ATP9B: variants seen among roughly 807,000 people sequenced by gnomAD.
The protein encoded by ATP9B is probable phospholipid-transporting ATPase IIB.
A neutral mutation model predicts 146.1 loss-of-function variants in ATP9B; 110 were observed. That is an observed-to-expected ratio of 0.75 (90% confidence interval 0.65 to 0.88). The LOEUF (loss-of-function observed/expected upper bound fraction) is 0.88, where lower values mean the gene tolerates loss of function less well. ATP9B is among the 40% of genes least tolerant of loss of function. ATP9B has a pLI of 0.00. For missense variants in ATP9B, 1,499 were observed against 1,496.4 expected, an observed-to-expected ratio of 1.00 and a Z score of -0.03; for synonymous variants, 604 against 569.7, an observed-to-expected ratio of 1.06 and a Z score of -0.86.
In ATP9B at chr18:79,204,283, G is replaced by A. The variant is rs573861590; in HGVS notation, c.955-2654G>A. On this transcript the variant is annotated intron_variant, in intron 9 of 29. Transcript: ENST00000426216. ...GTAATAGTGGTGTGTTAGCTACTGT[G>A]CAGGAGCTTAATTTCATTCCAGTGT... is the stretch of plus-strand genomic sequence containing the variant. Among the ~76,000 whole-genome samples the A allele has an allele frequency of 5.9e-5, 9 of 152,290 alleles. No individual in the cohort carries two copies. In the South Asian group the frequency reaches 1.2e-3, roughly 21 times the overall value.
chr18:79,143,956 C>A, intron 6 of ATP9B, 96 bp downstream of exon 6: 4 of 699,542 alleles, frequency 5.7e-6, no homozygotes, highest in Non-Finnish European at 9.1e-6. Context: ...GAAATTGAGA[C>A]ATGTATTTTG....
At chr18:79,235,016 G>C (rs2095828151) in intron 11 of ATP9B, among the ~76,000 whole-genome samples, 1 of 152,128 alleles carries the variant, frequency 6.6e-6, no homozygotes, top group South Asian at 2.1e-4. Flanking sequence ...GGGACTACAG[G>C]TGCCCATGAC....
intron 5 of ATP9B, among the ~76,000 whole-genome samples, chr18:79,139,122 A>G (rs954573696): frequency 2.0e-5 from 3 of 152,158 alleles, no homozygotes; most frequent in African/African-American, 7.2e-5. Flanking sequence ...ATATAAATAC[A>G]TTTTTATCCT....
chr18:79,210,123 A>G (rs2095570627), intron 10 of ATP9B, among the ~76,000 whole-genome samples: 1 of 152,208 alleles, frequency 6.6e-6, no homozygotes, highest in Non-Finnish European at 1.5e-5. Context: ...GGCAGGACAC[A>G]GAGAGCCTGC....
intron 15 of ATP9B, among the ~76,000 whole-genome samples, chr18:79,327,646 C>CGTGCTCTCTGTGTTT (rs1242877078): frequency 2.4e-5 from 3 of 124,326 alleles, no homozygotes; most frequent in East Asian, 5.2e-4. Context: ...CCCTGGTTAG[C>CGTGCTCTCTGTGTTT]ATGCTCTCCG....
rs1402204158 is a variant in ATP9B at position 79,377,510 on chromosome 18, C to A, written c.*127C>A. On this transcript the variant is annotated 3_prime_UTR_variant, in exon 30 of 30. Transcript: ENST00000426216. Reference sequence around the variant, plus strand: ...AGCACCACAAGAAAGGGAGGGTACGCCAGGCGAGCCCAGGGCACAGATGCT... The same window carrying A: ...AGCACCACAAGAAAGGGAGGGTACGACAGGCGAGCCCAGGGCACAGATGCT... The A allele has an allele frequency of 4.9e-6, 6 of 1,221,366 alleles. No individual in the cohort carries two copies. The highest frequency in any genetic ancestry group is 6.8e-6 in the Non-Finnish European group (6 of 885,492). 75.7% of individuals were successfully genotyped at this position (1,221,366 alleles called of 1,614,324 possible).
chr18:79,331,239 C>A (rs1408173903), intron 17 of ATP9B, among the ~76,000 whole-genome samples: 1 of 152,144 alleles, frequency 6.6e-6, no homozygotes, highest in Non-Finnish European at 1.5e-5. Flanking sequence ...CTCCACACCC[C>A]AGTGTTCGCA....
At chr18:79,375,841 A>C (rs960618174) in intron 29 of ATP9B, 1 of 985,442 alleles carries the variant, frequency 1.0e-6, no homozygotes, top group Non-Finnish European at 1.2e-6. Context: ...AAAGGCCTCT[A>C]ACTCTGCTCC....
At chr18:79,255,315 C>A (rs918452856) in intron 12 of ATP9B, 1 of 152,238 alleles carries the variant, frequency 6.6e-6, no homozygotes, top group African/African-American at 2.4e-5. Flanking sequence ...GAATTTACTT[C>A]TTCAGATGTG....
At chr18:79,348,242 TA>T in intron 25 of ATP9B, 46 bp downstream of exon 25, 1 of 1,042,794 alleles carries the variant, frequency 9.6e-7, no homozygotes, top group Non-Finnish European at 1.4e-6. Flanking sequence ...GGAGGACTTC[TA>T]TTTTGAAAAA....
At chr18:79,231,501 G>T (rs2095790926) in intron 11 of ATP9B, among the ~76,000 whole-genome samples, 1 of 152,120 alleles carries the variant, frequency 6.6e-6, no homozygotes, top group Non-Finnish European at 1.5e-5. Context: ...ATGCTGGTGT[G>T]GATGTGGTGA....
At position 79,113,336 on chromosome 18, in the gene ATP9B, C is replaced by T. The variant is rs1357699645; in HGVS notation, c.540C>T (p.Tyr180=). Residue 180 remains tyrosine (Y), a synonymous_variant, in exon 4 of 30, where the codon TAC becomes TAT. Transcript: ENST00000426216. ...CAGCATTGAAAATAGGCTATCTCTA[C>T]ACCTACTGGGCTCCTCTGGTAAGAA... ...FVPALKIGYL[Y]TYWAPLGFVL... 1.9e-6 allele frequency: 3 copies of T among 1,567,916 alleles called. No homozygotes were observed. Among genetic ancestry groups the T allele is most frequent in the Non-Finnish European group, 1.8e-6 (2 of 1,141,484 alleles).
At chr18:79,321,382 C>G (rs2096714917) in intron 15 of ATP9B, among the ~76,000 whole-genome samples, 1 of 85,896 alleles carries the variant, frequency 1.2e-5, no homozygotes, top group Non-Finnish European at 2.1e-5. Flanking sequence ...TTTCATCTAG[C>G]AATTTTTTTT....
At chr18:79,141,792 T>C (rs1030063955) in intron 5 of ATP9B, among the ~76,000 whole-genome samples, 2 of 152,218 alleles carry the variant, frequency 1.3e-5, no homozygotes, top group Admixed American at 6.5e-5. Flanking sequence ...GTCAGCTCCG[T>C]CAACAAAGTG....
intron 9 of ATP9B, among the ~76,000 whole-genome samples, chr18:79,196,136 G>C (rs1444325327): frequency 6.6e-6 from 1 of 152,216 alleles, no homozygotes; most frequent in Non-Finnish European, 1.5e-5. Context: ...AGCCATACAA[G>C]AGCAGCACAG....
At chr18:79,167,382 G>T (rs549896995) in intron 7 of ATP9B, among the ~76,000 whole-genome samples, 1 of 152,212 alleles carries the variant, frequency 6.6e-6, no homozygotes, top group Non-Finnish European at 1.5e-5. Context: ...CTCTCCACAG[G>T]CAGGTGGTCC....
chr18:79,197,197 G>C (rs1340749222), intron 9 of ATP9B, among the ~76,000 whole-genome samples: 1 of 152,074 alleles, frequency 6.6e-6, no homozygotes, highest in Non-Finnish European at 1.5e-5. Context: ...CTTTCTGCCT[G>C]TAAATGTAAA....
chr18:79,102,728 G>C (rs551001695), intron 2 of ATP9B, among the ~76,000 whole-genome samples: 1 of 152,184 alleles, frequency 6.6e-6, no homozygotes, highest in South Asian at 2.1e-4. Context: ...GTTTGGGGGG[G>C]ATTGACATGT....
rs148492028 is a variant in ATP9B at position 79,323,032 on chromosome 18, A to G, written c.1774-6109A>G. Among the ~76,000 whole-genome samples the G allele has an allele frequency of 2.4e-3, 366 of 152,368 alleles. 1 individual carries two copies. The highest frequency in any genetic ancestry group is 6.4e-3 in the South Asian group (31 of 4,828). The stretch of plus-strand genomic sequence containing the variant: ...CATGTGATATTTGATACAAGCATAC[A>G]ATATGCAGTGATCAAATCGGTAATT... On this transcript the variant is annotated intron_variant, in intron 15 of 29. Coordinates refer to ENST00000426216, the MANE Select transcript of ATP9B (RefSeq NM_198531.5).
Sources: allele counts gnomAD v4.1 joint callset (sites outside exome capture counted in the v4.1 genomes callset), GRCh38; gene constraint gnomAD v4.1.1; transcripts MANE v1.5; gene names NCBI Gene and HGNC (gene_info 2026-07-23, HGNC 2026-07-21).